MB: variants seen among roughly 807,000 people sequenced by gnomAD.
MB encodes myoglobin.
In MB, 10 loss-of-function variants were observed where a neutral mutation model predicts 14.5. The ratio of observed to expected loss-of-function variants is 0.69; its 90% CI spans 0.43 to 1.17. The LOEUF is 1.17. Ranked by LOEUF, MB falls within the 50% of genes most tolerant of loss-of-function variation. The pLI is 0.00. For synonymous variants in MB, 89 were observed against 78.6 expected, an observed-to-expected ratio of 1.13 and a Z score of -0.70; for missense variants, 169 against 192.7, an observed-to-expected ratio of 0.88 and a Z score of 0.73.
chr22:35,621,913 T>G (rs1923490167), upstream of MB: 1 of 152,224 alleles, frequency 6.6e-6, no homozygotes, highest in South Asian at 2.1e-4. Context: ...CTCTCACCTC[T>G]GGTCACATGC....
upstream of MB, among the ~76,000 whole-genome samples, chr22:35,618,107 C>T (rs984287198): frequency 6.6e-5 from 10 of 152,210 alleles, no homozygotes; most frequent in African/African-American, 2.4e-4. Context: ...GTCCCAAACA[C>T]TTGGCATTTG....
chr22:35,614,767 T>C (rs1231687970), intron 1 of MB, among the ~76,000 whole-genome samples: 2 of 151,834 alleles, frequency 1.3e-5, no homozygotes, highest in East Asian at 3.9e-4. Flanking sequence ...ATCATCACCA[T>C]CACCCAGGAA....
At chr22:35,617,352 G>A (rs181927943), upstream of MB, 27 of 887,640 alleles carry the variant, frequency 3.0e-5, no homozygotes, top group South Asian at 1.1e-4. Flanking sequence ...TCCCAAGGGC[G>A]TTTTTATACC....
At position 35,617,284 on chromosome 22, in the gene MB, G is replaced by A. The variant is rs773443262; in HGVS notation, c.-27C>T. The A allele has an allele frequency of 1.3e-5, 21 of 1,578,272 alleles. No homozygotes were observed. The South Asian group carries it at 2.1e-4, about 16-fold the overall frequency. ...GCGCAGTCTGAAGAAGACAAAAAGAGCAAGTATGGGCTCACTGGGTGTCCT... is the reference window on the plus strand; with the variant it reads ...GCGCAGTCTGAAGAAGACAAAAAGAACAAGTATGGGCTCACTGGGTGTCCT... On this transcript the variant is annotated 5_prime_UTR_variant, in exon 1 of 3. Transcript: ENST00000397326.
At position 35,617,161 on chromosome 22, in the gene MB, A is replaced by T. The variant is rs113783264; in HGVS notation, c.95+2T>A. 5.6e-6 allele frequency: 9 copies of T among 1,611,434 alleles called. No homozygotes were observed. Among genetic ancestry groups the T allele is most frequent in the Non-Finnish European group, 6.8e-6 (8 of 1,177,684 alleles). On this transcript the variant is annotated splice_donor_variant, in intron 1 of 2. Coordinates refer to ENST00000397326, the MANE Select transcript of MB (RefSeq NM_005368.3). LOFTEE classifies it high-confidence loss of function. ...AGGGGCAATGGAATCTCTTCCTTTT[A>T]CCTGATGAGGACTTCCTGCCCATGG... is the stretch of plus-strand genomic sequence containing the variant.
intron 1 of MB, among the ~76,000 whole-genome samples, chr22:35,616,135 C>T (rs551580163): frequency 2.0e-5 from 3 of 152,304 alleles, no homozygotes; most frequent in African/African-American, 7.2e-5. Flanking sequence ...TCACTTGTGG[C>T]AACCCCGGCG....
rs1013095608 is a variant in MB, at chr22:35,608,742, A to C, written c.319-1299T>G. Among the ~76,000 whole-genome samples, 6 of 152,220 alleles carry C rather than the reference A, an allele frequency of 3.9e-5. No homozygotes were observed. The highest frequency in any genetic ancestry group is 1.4e-4 in the African/African-American group (6 of 41,458). ...TCCATGTGTGACTTCACCCACCCAG[A>C]TGGCCTGGTTGGGCCCCCAGCTCAG... On this transcript the variant is annotated intron_variant, in intron 2 of 2. Coordinates refer to ENST00000397326, the MANE Select transcript of MB (RefSeq NM_005368.3). The surrounding 1 kb of genome is among the most constrained non-coding windows in gnomAD (Gnocchi z 4.3).
upstream of MB, among the ~76,000 whole-genome samples, chr22:35,620,634 C>G (rs564685666): frequency 6.6e-6 from 1 of 152,208 alleles, no homozygotes; most frequent in African/African-American, 2.4e-5. Flanking sequence ...GGCCCCCTGC[C>G]TGGTGCGCTG....
intron 1 of MB, among the ~76,000 whole-genome samples, chr22:35,614,712 T>C (rs1216507626): frequency 1.4e-5 from 2 of 146,918 alleles, no homozygotes; most frequent in Non-Finnish European, 3.0e-5. Flanking sequence ...GGTTGCTGTC[T>C]TTCTCCTCCT....
At chr22:35,622,264 C>T (rs1325262412), upstream of MB, among the ~76,000 whole-genome samples, 2 of 152,102 alleles carry the variant, frequency 1.3e-5, no homozygotes, top group African/African-American at 4.8e-5. Flanking sequence ...GGCCCTCCCA[C>T]CCCACCCCCA....
At chr22:35,615,725 G>A (rs994492377) in intron 1 of MB, 1 of 152,248 alleles carries the variant, frequency 6.6e-6, no homozygotes, top group African/African-American at 2.4e-5. Flanking sequence ...CAGAGGTGGA[G>A]AGACTTGTCC....
upstream of MB, among the ~76,000 whole-genome samples, chr22:35,618,136 G>C (rs1372429869): frequency 6.6e-6 from 1 of 152,098 alleles, no homozygotes; most frequent in Non-Finnish European, 1.5e-5. Flanking sequence ...TTTAATCCCC[G>C]CAAGACCTCC....
chr22:35,620,908 A>T (rs1013903743), upstream of MB, among the ~76,000 whole-genome samples: 3 of 152,224 alleles, frequency 2.0e-5, no homozygotes, highest in Non-Finnish European at 4.4e-5. Context: ...CCCGCTTGGC[A>T]AGCGCCCCCA....
chr22:35,622,043 C>T (rs761044474), upstream of MB: 6 of 152,294 alleles, frequency 3.9e-5, no homozygotes, highest in Non-Finnish European at 8.8e-5. Flanking sequence ...ATCTAGGTGA[C>T]CTAGGAATTT....
intron 2 of MB, among the ~76,000 whole-genome samples, chr22:35,610,275 C>T (rs2899254): frequency 0.67 from 102,446 of 152,088 alleles, 36,149 homozygotes; most frequent in East Asian, 0.93. Context: ...CTCAGGAGGT[C>T]CAAACCAATT....
upstream of MB, among the ~76,000 whole-genome samples, chr22:35,618,069 C>T (rs1601847347): frequency 6.6e-6 from 1 of 152,216 alleles, no homozygotes; most frequent in Admixed American, 6.5e-5. Context: ...CCAGCACTCA[C>T]AAGAGACTTT....
chr22:35,620,057 CG>C (rs1569123429), upstream of MB, among the ~76,000 whole-genome samples: 1 of 152,206 alleles, frequency 6.6e-6, no homozygotes, highest in Non-Finnish European at 1.5e-5. Flanking sequence ...CATGGGGGGC[CG>C]GGCGTGGTGG....
chr22:35,609,512 G>A (rs948104969), intron 2 of MB, among the ~76,000 whole-genome samples: 2 of 152,324 alleles, frequency 1.3e-5, no homozygotes, highest in African/African-American at 4.8e-5. Flanking sequence ...GGGTGCAAAG[G>A]TCGAAGTTAA....
At chr22:35,611,874 A>G (rs45580831) in intron 1 of MB, among the ~76,000 whole-genome samples, 1,531 of 144,188 alleles carry the variant, frequency 0.011, 14 homozygotes, top group South Asian at 0.066. Context: ...TTTAGACCTC[A>G]GTCCTTCCTG....
Sources: gnomAD v4.1 joint callset for allele counts (sites outside exome capture counted in the v4.1 genomes callset) on GRCh38, gnomAD v4.1.1 for gene constraint, Gnocchi (gnomAD v3.1) non-coding constraint, MANE v1.5 for transcripts, NCBI Gene and HGNC (gene_info 2026-07-23, HGNC 2026-07-21) for gene names.